The following GRIN2A variants were observed in gnomAD, a reference collection of about 807,000 sequenced individuals.
The protein encoded by GRIN2A is glutamate receptor ionotropic, NMDA 2A.
A neutral mutation model predicts 113.4 loss-of-function variants in GRIN2A; 22 were observed. The ratio of observed to expected loss-of-function variants is 0.19; its 90% CI spans 0.14 to 0.28. The LOEUF is 0.28. Among genes scored for constraint, GRIN2A ranks in the 10% least tolerant of loss-of-function variants. The probability of loss-of-function intolerance (pLI) is 1.00; values close to 1 mark genes in which losing one functional copy is unlikely to be tolerated. For missense variants in GRIN2A, 1,502 were observed against 1,887.0 expected, an observed-to-expected ratio of 0.80 and a Z score of 3.78; for synonymous variants, 827 against 738.4, an observed-to-expected ratio of 1.12 and a Z score of -1.94.
intron 7 of GRIN2A, among the ~76,000 whole-genome samples, chr16:9,838,445 A>T (rs2042618996): frequency 6.6e-6 from 1 of 152,226 alleles, no homozygotes; most frequent in South Asian, 2.1e-4. Flanking sequence ...GTATATATAC[A>T]TTGTGGAATA....
At chr16:10,107,819 A>C (rs2048527613) in intron 2 of GRIN2A, among the ~76,000 whole-genome samples, 2 of 152,170 alleles carry the variant, frequency 1.3e-5, no homozygotes, top group African/African-American at 4.8e-5. Flanking sequence ...AGAAGAATCC[A>C]TTTCACAGGC....
At chr16:10,125,643 A>AG (rs2048917622) in intron 2 of GRIN2A, among the ~76,000 whole-genome samples, 1 of 98,056 alleles carries the variant, frequency 1.0e-5, no homozygotes, top group South Asian at 4.7e-4. Flanking sequence ...AAAAAAAAAA[A>AG]AAAAAGACTG....
chr16:9,862,292 T>C (rs1276185762), intron 4 of GRIN2A, among the ~76,000 whole-genome samples: 1 of 152,212 alleles, frequency 6.6e-6, no homozygotes, highest in Non-Finnish European at 1.5e-5. Flanking sequence ...AATTGCCTAA[T>C]TGTTACACAG....
intron 2 of GRIN2A, 124 bp downstream of exon 2, chr16:10,179,874 A>G: frequency 1.6e-6 from 1 of 629,322 alleles, no homozygotes; most frequent in Non-Finnish European, 2.9e-6. Flanking sequence ...AGTGGCCACG[A>G]CCCTCCCACC....
intron 2 of GRIN2A, among the ~76,000 whole-genome samples, chr16:10,119,007 A>G (rs913815214): frequency 1.3e-5 from 2 of 152,228 alleles, no homozygotes; most frequent in African/African-American, 4.8e-5. Context: ...GAAGAGCCAC[A>G]ATATGGCAGA....
At chr16:10,025,845 C>G (rs1165848632) in intron 2 of GRIN2A, among the ~76,000 whole-genome samples, 7 of 152,122 alleles carry the variant, frequency 4.6e-5, no homozygotes, top group African/African-American at 1.7e-4. Context: ...ACTGCAAACC[C>G]TGGAGGCCAG....
intron 9 of GRIN2A, 86 bp from the exon 10 acceptor site, chr16:9,822,510 T>C (rs1596465118): frequency 3.4e-6 from 3 of 892,300 alleles, no homozygotes; most frequent in East Asian, 2.5e-5. Flanking sequence ...AATAAATTAG[T>C]GATCATTTTG....
Position 9,843,185 on chromosome 16 carries a change from T to C in GRIN2A, c.1329-2081A>G, listed in dbSNP as rs555345006. On this transcript the variant is annotated intron_variant, in intron 5 of 12. Coordinates refer to ENST00000330684, the MANE Select transcript of GRIN2A (RefSeq NM_001134407.3). The stretch of plus-strand genomic sequence containing the variant: ...GAACGGTGAAAAACATGTTTTCTTT[T>C]TTACATTTTTAGGGTTTTTCCCCAA... Among the ~76,000 whole-genome samples, 3 of 152,026 alleles carry C rather than the reference T, an allele frequency of 2.0e-5. No homozygotes were observed. The East Asian group carries it at 5.8e-4, about 29-fold the overall frequency.
chr16:9,778,146 G>C (rs551042497), intron 11 of GRIN2A, among the ~76,000 whole-genome samples: 2 of 152,288 alleles, frequency 1.3e-5, no homozygotes, highest in Admixed American at 6.5e-5. Flanking sequence ...ATTAAAAAGA[G>C]GATTGGACAA....
chr16:9,997,673 T>G (rs147514630), intron 2 of GRIN2A, among the ~76,000 whole-genome samples: 98 of 152,234 alleles, frequency 6.4e-4, no homozygotes, highest in African/African-American at 2.1e-3. Context: ...CCACCCAAAT[T>G]TCATCTTGAA....
Position 10,180,226 on chromosome 16 carries a change from C to T in GRIN2A, c.186G>A (p.Gly62=), listed in dbSNP as rs1384863349. ...CTACCACGTTCACGTCCAGGGGCAG[C>T]CCCGCCGCCTGCTCGGGGCCCCACA... ...RTLWGPEQAA[G]LPLDVNVVAL... is the part of the protein sequence containing the mutation. The change falls in exon 2 of 13, where the codon GGG becomes GGA. Residue 62 remains glycine (G), a synonymous_variant. Transcript: ENST00000330684. This position sits in a 1 kb window ranked among gnomAD's most constrained non-coding sequence, Gnocchi z 7.0. 1.2e-6 allele frequency: 2 copies of T among 1,614,084 alleles called. No individual in the cohort carries two copies. The highest frequency in any genetic ancestry group is 1.1e-5 in the South Asian group (1 of 91,082).
intron 2 of GRIN2A, among the ~76,000 whole-genome samples, chr16:10,138,537 G>A (rs1247083323): frequency 7.9e-5 from 12 of 152,106 alleles, no homozygotes; most frequent in Admixed American, 6.6e-4. Flanking sequence ...ACAGCAAGGG[G>A]AAAATCCGCC....
rs578122266 is a variant in GRIN2A, at chr16:9,960,955, T to A, written c.415-22404A>T. Among the ~76,000 whole-genome samples the A allele has an allele frequency of 1.7e-3, 264 of 152,348 alleles. 1 individual carries two copies. The highest frequency in any genetic ancestry group is 6.0e-3 in the African/African-American group (251 of 41,580). On this transcript the variant is annotated intron_variant, in intron 2 of 12. Coordinates refer to ENST00000330684, the MANE Select transcript of GRIN2A (RefSeq NM_001134407.3). Reference sequence around the variant, plus strand: ...TTTTCTTAGTCTCAATTTCCTGAGTTATACACTTGAGCTAATAACATTTAC... The same window carrying A: ...TTTTCTTAGTCTCAATTTCCTGAGTAATACACTTGAGCTAATAACATTTAC...
chr16:9,935,460 G>T (rs1266199453), intron 3 of GRIN2A, among the ~76,000 whole-genome samples: 2 of 149,286 alleles, frequency 1.3e-5, no homozygotes, highest in African/African-American at 2.5e-5. Flanking sequence ...TTAATTCAAG[G>T]TTCATTTTTC....
At chr16:9,801,105 G>A (rs1903336120) in intron 10 of GRIN2A, among the ~76,000 whole-genome samples, 1 of 152,196 alleles carries the variant, frequency 6.6e-6, no homozygotes, top group Non-Finnish European at 1.5e-5. Flanking sequence ...TTGTTCAGCT[G>A]TGGTATTCTA....
rs888035754 is a variant in GRIN2A at position 9,756,935 on chromosome 16, G to T, written c.*6214C>A. On this transcript the variant is annotated 3_prime_UTR_variant, in exon 13 of 13. Coordinates refer to ENST00000330684, the MANE Select transcript of GRIN2A (RefSeq NM_001134407.3). ...CTGATGCTTTCTGTCAGCCACAGCAGTAGGCACTTGGAACTTGATAAAGAA... is the reference window on the plus strand; with the variant it reads ...CTGATGCTTTCTGTCAGCCACAGCATTAGGCACTTGGAACTTGATAAAGAA... The T allele has an allele frequency of 1.1e-5, 2 of 188,950 alleles. No individual in the cohort carries two copies. Among genetic ancestry groups the T allele is most frequent in the Non-Finnish European group, 2.2e-5 (2 of 89,768 alleles). The allele number at this position is 188,950 out of a possible 1,614,324, so 11.7% of individuals were successfully genotyped here.
intron 2 of GRIN2A, among the ~76,000 whole-genome samples, chr16:9,942,948 C>A (rs1420406034): frequency 6.6e-6 from 1 of 152,164 alleles, no homozygotes; most frequent in African/African-American, 2.4e-5. Flanking sequence ...CATAGCAGAG[C>A]AATGAAGAGG....
chr16:10,081,719 C>T (rs1181207773), intron 2 of GRIN2A, among the ~76,000 whole-genome samples: 2 of 152,266 alleles, frequency 1.3e-5, no homozygotes, highest in East Asian at 1.9e-4. Context: ...ACACATGAGA[C>T]AAGCTTTTTG....
At chr16:10,120,485 G>C (rs2048812120) in intron 2 of GRIN2A, among the ~76,000 whole-genome samples, 1 of 152,120 alleles carries the variant, frequency 6.6e-6, no homozygotes, top group Non-Finnish European at 1.5e-5. Flanking sequence ...TAAAGCCAGT[G>C]GCCCTTTTTC....
Sources: allele counts gnomAD v4.1 joint callset (sites outside exome capture counted in the v4.1 genomes callset), GRCh38; gene constraint gnomAD v4.1.1; non-coding constraint Gnocchi (gnomAD v3.1); transcripts MANE v1.5; gene names NCBI Gene and HGNC (gene_info 2026-07-23, HGNC 2026-07-21).